Variants in BBS9 observed in about 807,000 individuals in gnomAD.
The protein encoded by BBS9 is Bardet-Biedl syndrome 9, also known as protein PTHB1.
BBS9 carries 89 observed loss-of-function variants against 117.7 expected under a neutral mutation model. That is an observed-to-expected ratio of 0.76 (90% CI 0.64 to 0.90). The LOEUF (loss-of-function observed/expected upper bound fraction) is 0.90. BBS9 is among the 40% of genes least tolerant of loss of function. BBS9 has a pLI of 0.00. For synonymous variants in BBS9, 379 were observed against 370.9 expected, an observed-to-expected ratio of 1.02 and a Z score of -0.25; for missense variants, 982 against 1,042.2, an observed-to-expected ratio of 0.94 and a Z score of 0.80.
At chr7:33,135,393 A>G (rs1212537989) in intron 1 of BBS9, among the ~76,000 whole-genome samples, 1 of 152,202 alleles carries the variant, frequency 6.6e-6, no homozygotes, top group Admixed American at 6.5e-5. Flanking sequence ...GTCCGATTTC[A>G]TTCTTCTGCA....
intron 20 of BBS9, among the ~76,000 whole-genome samples, chr7:33,509,536 G>T (rs1385847431): frequency 5.9e-5 from 9 of 152,192 alleles, no homozygotes; most frequent in Non-Finnish European, 1.3e-4. Flanking sequence ...TTGGTTGAGG[G>T]TGGATGGCAG....
chr7:33,423,394 G>GT (rs1411543039), intron 19 of BBS9, among the ~76,000 whole-genome samples: 65 of 151,294 alleles, frequency 4.3e-4, no homozygotes, highest in South Asian at 3.6e-3. Flanking sequence ...TATACCTTGG[G>GT]GGTGTGTGTG....
At chr7:33,271,525 G>C (rs1473707811) in intron 7 of BBS9, among the ~76,000 whole-genome samples, 1 of 152,108 alleles carries the variant, frequency 6.6e-6, no homozygotes, top group East Asian at 1.9e-4. Context: ...AGAAAACTCT[G>C]TGAAGCAAAT....
At chr7:33,280,911 G>GTTTTTTTT (rs150736523) in intron 9 of BBS9, among the ~76,000 whole-genome samples, 87 of 79,368 alleles carry the variant, frequency 1.1e-3, no homozygotes, top group East Asian at 2.8e-3. Flanking sequence ...TGTCGTTTTT[G>GTTTTTTTT]TTTTTTTTTT....
At chr7:33,559,126 A>C (rs1039198731) in intron 21 of BBS9, among the ~76,000 whole-genome samples, 5 of 152,168 alleles carry the variant, frequency 3.3e-5, no homozygotes, top group African/African-American at 7.2e-5. Context: ...GCTTTTGGTG[A>C]AAATGATCAT....
At chr7:33,282,578 T>G (rs1802111118) in intron 9 of BBS9, among the ~76,000 whole-genome samples, 1 of 152,102 alleles carries the variant, frequency 6.6e-6, no homozygotes, top group Non-Finnish European at 1.5e-5. Flanking sequence ...TTCAATATCT[T>G]GGCCAGGCTG....
chr7:33,142,485 A>G (rs1791633856), intron 1 of BBS9, among the ~76,000 whole-genome samples: 1 of 152,348 alleles, frequency 6.6e-6, no homozygotes, highest in East Asian at 1.9e-4. Context: ...ACATCTAACC[A>G]TTTTTAACTA....
intron 19 of BBS9, among the ~76,000 whole-genome samples, chr7:33,461,140 T>C (rs1319742687): frequency 6.6e-6 from 1 of 152,048 alleles, no homozygotes; most frequent in East Asian, 1.9e-4. Context: ...CATTTATTGA[T>C]GGATATTTGG....
chr7:33,339,037 C>T (rs1218865901), intron 10 of BBS9, among the ~76,000 whole-genome samples: 2 of 152,162 alleles, frequency 1.3e-5, no homozygotes, highest in African/African-American at 2.4e-5. Flanking sequence ...TATTTTGTGA[C>T]ATTGTTCATT....
At chr7:33,413,988 C>T (rs1301536490) in intron 19 of BBS9, among the ~76,000 whole-genome samples, 1 of 152,112 alleles carries the variant, frequency 6.6e-6, no homozygotes, top group Non-Finnish European at 1.5e-5. Flanking sequence ...TGCGCCATTG[C>T]ACTCCAGCCT....
At chr7:33,492,375 G>T (rs1176427758) in intron 19 of BBS9, among the ~76,000 whole-genome samples, 3 of 151,836 alleles carry the variant, frequency 2.0e-5, no homozygotes, top group Non-Finnish European at 4.4e-5. Flanking sequence ...GTAATTACTT[G>T]TCTCTTACAA....
intron 9 of BBS9, among the ~76,000 whole-genome samples, chr7:33,294,070 C>G (rs140666260): frequency 8.7e-4 from 132 of 152,246 alleles, no homozygotes; most frequent in Middle Eastern, 3.4e-3. Context: ...AGAAACACAG[C>G]ATTGTGAATC....
At chr7:33,563,534 G>T (rs1020520) in intron 21 of BBS9, among the ~76,000 whole-genome samples, 40,343 of 152,150 alleles carry the variant, frequency 0.27, 6,290 homozygotes, top group East Asian at 0.49. Flanking sequence ...TGATAACTTT[G>T]TTATGGCCTA....
chr7:33,501,755 A>G (rs933766287), intron 19 of BBS9, among the ~76,000 whole-genome samples: 3 of 152,208 alleles, frequency 2.0e-5, no homozygotes, highest in Non-Finnish European at 4.4e-5. Flanking sequence ...TGCAGCCTCC[A>G]TTAAGTAACA....
intron 12 of BBS9, among the ~76,000 whole-genome samples, chr7:33,348,286 T>C (rs1247794337): frequency 6.6e-6 from 1 of 152,134 alleles, no homozygotes; most frequent in Non-Finnish European, 1.5e-5. Flanking sequence ...TAGCATCATG[T>C]TTTCAAGGTT....
intron 21 of BBS9, among the ~76,000 whole-genome samples, chr7:33,545,511 C>T (rs1853161637): frequency 6.6e-6 from 1 of 152,110 alleles, no homozygotes; most frequent in Non-Finnish European, 1.5e-5. Flanking sequence ...AGGAGGGTCT[C>T]CCTTTCCCAC....
At chr7:33,561,135 C>T (rs932429748) in intron 21 of BBS9, among the ~76,000 whole-genome samples, 4 of 152,176 alleles carry the variant, frequency 2.6e-5, no homozygotes, top group African/African-American at 9.7e-5. Context: ...TTTTTCTAAT[C>T]TACCAATCTG....
intron 5 of BBS9, among the ~76,000 whole-genome samples, chr7:33,224,944 T>C (rs1017585499): frequency 6.6e-5 from 10 of 152,326 alleles, no homozygotes; most frequent in East Asian, 5.8e-4. Flanking sequence ...GGTTATATTA[T>C]AATTTTTATT....
At chr7:33,197,924 T>G (rs1785198043) in intron 5 of BBS9, among the ~76,000 whole-genome samples, 1 of 152,002 alleles carries the variant, frequency 6.6e-6, no homozygotes, top group African/African-American at 2.4e-5. Flanking sequence ...TGTGTTTACC[T>G]CAACCTTCAA....
Sources: allele counts gnomAD v4.1 joint callset (sites outside exome capture counted in the v4.1 genomes callset), GRCh38; gene constraint gnomAD v4.1.1; transcripts MANE v1.5; gene names NCBI Gene and HGNC (gene_info 2026-07-23, HGNC 2026-07-21).